CPE: variants seen among roughly 807,000 people sequenced by gnomAD.
The protein encoded by CPE is carboxypeptidase E, also known as carbocypeptidase E.
A neutral mutation model predicts 53.5 loss-of-function variants in CPE; 17 were observed. That is an observed-to-expected ratio of 0.32 (90% CI 0.22 to 0.48). The LOEUF (loss-of-function observed/expected upper bound fraction) is 0.48. Among genes scored for constraint, CPE ranks in the 20% least tolerant of loss-of-function variants. The probability of loss-of-function intolerance (pLI) is 0.99; values close to 1 mark genes in which losing one functional copy is unlikely to be tolerated. For missense variants in CPE, 524 were observed against 614.7 expected (o/e 0.85, Z 1.56); for synonymous variants, 226 against 228.8 (o/e 0.99, Z 0.11).
At chr4:165,408,166 T>C (rs1254084670) in intron 1 of CPE, among the ~76,000 whole-genome samples, 1 of 152,230 alleles carries the variant, frequency 6.6e-6, no homozygotes, top group Non-Finnish European at 1.5e-5. Context: ...CATTTTGATG[T>C]GGTCCAATTT....
chr4:165,390,803 T>C (rs557236695), intron 1 of CPE, among the ~76,000 whole-genome samples: 2 of 152,310 alleles, frequency 1.3e-5, no homozygotes, highest in East Asian at 3.9e-4. Context: ...GAAACTTCAT[T>C]AGAAGAGTAT....
intron 1 of CPE, among the ~76,000 whole-genome samples, chr4:165,444,605 C>T (rs868372342): frequency 2.0e-5 from 3 of 152,210 alleles, no homozygotes; most frequent in African/African-American, 4.8e-5. Context: ...CTGTGTACAG[C>T]TATTGCTGCC....
At chr4:165,403,041 CT>C (rs201435808) in intron 1 of CPE, among the ~76,000 whole-genome samples, 4,292 of 152,224 alleles carry the variant, frequency 0.028, 204 homozygotes, top group African/African-American at 0.096. Context: ...TGGGAAATAT[CT>C]GATCCTGAAC....
At chr4:165,386,481 A>G in intron 1 of CPE, 1 of 350,624 alleles carries the variant, frequency 2.9e-6, no homozygotes, top group Non-Finnish European at 5.4e-6. Context: ...CATCATGCAT[A>G]TTAGCATGCC....
At chr4:165,486,906 G>T (rs1396449033) in intron 5 of CPE, among the ~76,000 whole-genome samples, 1 of 152,146 alleles carries the variant, frequency 6.6e-6, no homozygotes, top group East Asian at 1.9e-4. Flanking sequence ...CTTTGGCAAA[G>T]AAATCTCCTA....
rs73860767 is a variant in CPE at position 165,450,175 on chromosome 4, T to C, written c.308-14215T>C. ...TTTTTAGTTTGGAGTGTTTGTAGAA[T>C]ATTTAAATAAACATTAAAAAATTCC... On this transcript the variant is annotated intron_variant, in intron 1 of 8. Transcript: ENST00000402744. Among the ~76,000 whole-genome samples the C allele has an allele frequency of 5.5e-3, 840 of 152,316 alleles. 9 individuals carry two copies. The highest frequency in any genetic ancestry group is 0.018 in the African/African-American group (745 of 41,574).
At chr4:165,473,229 C>T (rs1339697545) in intron 3 of CPE, among the ~76,000 whole-genome samples, 1 of 152,202 alleles carries the variant, frequency 6.6e-6, no homozygotes, top group Non-Finnish European at 1.5e-5. Context: ...CCAAACATTC[C>T]TCTTTTTAAA....
intron 1 of CPE, among the ~76,000 whole-genome samples, chr4:165,412,882 A>G (rs984491887): frequency 2.0e-5 from 3 of 152,158 alleles, no homozygotes; most frequent in African/African-American, 7.2e-5. Context: ...TTCTTTTTGC[A>G]CCGTTATAAC....
intron 1 of CPE, among the ~76,000 whole-genome samples, chr4:165,460,280 A>G (rs868093393): frequency 6.6e-5 from 10 of 151,486 alleles, no homozygotes; most frequent in African/African-American, 2.5e-4. Context: ...TTCAAAATCT[A>G]AAGTCTTCAA....
chr4:165,453,185 C>T (rs1731842740), intron 1 of CPE, among the ~76,000 whole-genome samples: 1 of 152,052 alleles, frequency 6.6e-6, no homozygotes, highest in Non-Finnish European at 1.5e-5. Flanking sequence ...GTCTCGAACT[C>T]CTGACCTCGT....
chr4:165,421,145 T>G (rs1731204022), intron 1 of CPE, among the ~76,000 whole-genome samples: 1 of 152,214 alleles, frequency 6.6e-6, no homozygotes, highest in Non-Finnish European at 1.5e-5. Context: ...ATTAGTTACT[T>G]CCTTTTAACT....
Position 165,497,543 on chromosome 4 carries a change from G to A in CPE, c.1364G>A (p.Arg455Lys), listed in dbSNP as rs1413459059. The A allele has an allele frequency of 1.3e-6, 2 of 1,575,280 alleles. No individual in the cohort carries two copies. Among genetic ancestry groups the A allele is most frequent in the Non-Finnish European group, 1.7e-6 (2 of 1,164,008 alleles). ...TTTGAACTGGAGTCATTTTCTGAAA[G>A]GAAAGAAGAGGAGAAGGAAGAATTG... ...VDFELESFSE[R>K]KEEEKEELME... Residue 455 changes from arginine (R) to lysine (K), a missense_variant, in exon 9 of 9, where the codon AGG (arginine) becomes AAG (lysine). Coordinates refer to ENST00000402744, the MANE Select transcript of CPE (RefSeq NM_001873.4).
At chr4:165,467,628 T>C (rs1309576153) in intron 2 of CPE, 60 bp from the exon 3 acceptor site, 1 of 1,493,168 alleles carries the variant, frequency 6.7e-7, no homozygotes, top group Non-Finnish European at 9.0e-7. Context: ...GGACCTTAAA[T>C]AGAAAGTGAC....
intron 1 of CPE, among the ~76,000 whole-genome samples, chr4:165,411,441 G>A (rs1207755707): frequency 6.6e-6 from 1 of 151,898 alleles, no homozygotes; most frequent in Non-Finnish European, 1.5e-5. Flanking sequence ...TTACCACCTG[G>A]TAGGTACCCT....
intron 1 of CPE, among the ~76,000 whole-genome samples, chr4:165,416,866 T>TG (rs1367126581): frequency 6.6e-6 from 1 of 151,892 alleles, no homozygotes; most frequent in East Asian, 2.0e-4. Flanking sequence ...GGACAGTGCC[T>TG]GGCACACAGT....
intron 6 of CPE, among the ~76,000 whole-genome samples, chr4:165,488,239 G>T (rs1001482463): frequency 5.3e-5 from 8 of 152,146 alleles, no homozygotes; most frequent in African/African-American, 1.9e-4. Flanking sequence ...GACACAGAGA[G>T]GCTAGACAGC....
At chr4:165,424,530 A>G (rs1731283739) in intron 1 of CPE, among the ~76,000 whole-genome samples, 1 of 147,330 alleles carries the variant, frequency 6.8e-6, no homozygotes, top group Non-Finnish European at 1.5e-5. Flanking sequence ...ATTTATTTGT[A>G]TTTGTATTTA....
intron 1 of CPE, among the ~76,000 whole-genome samples, chr4:165,386,929 G>A (rs1730603380): frequency 6.6e-6 from 1 of 152,160 alleles, no homozygotes; most frequent in Non-Finnish European, 1.5e-5. Flanking sequence ...ACTTTGAAAT[G>A]CCACAGAGGA....
chr4:165,491,184 A>G (rs185668619), intron 6 of CPE, among the ~76,000 whole-genome samples: 10 of 152,364 alleles, frequency 6.6e-5, no homozygotes, highest in Admixed American at 2.0e-4. Context: ...CAGAAGCAGA[A>G]AAAAGTAAAG....
Sources: allele counts gnomAD v4.1 joint callset (sites outside exome capture counted in the v4.1 genomes callset), GRCh38; gene constraint gnomAD v4.1.1; transcripts MANE v1.5; gene names NCBI Gene and HGNC (gene_info 2026-07-23, HGNC 2026-07-21).